TRPC4: variants seen among roughly 807,000 people sequenced by gnomAD.
TRPC4 encodes the protein transient receptor potential cation channel subfamily C member 4.
A neutral mutation model predicts 99.4 loss-of-function variants in TRPC4; 49 were observed. The ratio of observed to expected loss-of-function variants is 0.49; its 90% CI spans 0.39 to 0.63. TRPC4 has a LOEUF of 0.63. Ranked by LOEUF, TRPC4 falls within the 20% of genes least tolerant of loss-of-function variation. The pLI, the probability that TRPC4 is intolerant of heterozygous loss-of-function variation, is 0.00. For synonymous variants in TRPC4, 454 were observed against 425.9 expected (o/e 1.07, Z -0.81); for missense variants, 898 against 1,152.9 (o/e 0.78, Z 3.20).
intron 3 of TRPC4, among the ~76,000 whole-genome samples, chr13:37,696,989 C>T (rs1953924810): frequency 6.8e-6 from 1 of 146,974 alleles, no homozygotes; most frequent in Admixed American, 6.9e-5. Flanking sequence ...TTTTAAATGT[C>T]TCTGTCTCTC....
chr13:37,844,830 T>G (rs567141386), intron 1 of TRPC4, among the ~76,000 whole-genome samples: 2 of 152,204 alleles, frequency 1.3e-5, no homozygotes, highest in Non-Finnish European at 2.9e-5. Flanking sequence ...TGCACATCTG[T>G]AAAGCATAGC....
intron 1 of TRPC4, among the ~76,000 whole-genome samples, chr13:37,855,674 G>T (rs990062347): frequency 1.3e-5 from 2 of 151,668 alleles, no homozygotes; most frequent in African/African-American, 2.4e-5. Context: ...TGAGGTAATA[G>T]CAAGCATCTT....
In TRPC4 at chr13:37,635,891, T is replaced by C. The variant is rs116328365; in HGVS notation, c.*1012A>G. 0.028 allele frequency among the ~76,000 whole-genome samples: 4,280 copies of C among 152,200 alleles called. 192 individuals are homozygous for C. Among genetic ancestry groups the C allele is most frequent in the African/African-American group, 0.096 (4,007 of 41,548 alleles). ...TGAGTGATTTAATTTTAAAGAAATA[T>C]ATAAAGATTACTGGTGAAAAGAGGA... On this transcript the variant is annotated 3_prime_UTR_variant, in exon 11 of 11. Transcript: ENST00000379705.
At chr13:37,671,492 A>G (rs2957213) in intron 5 of TRPC4, among the ~76,000 whole-genome samples, 150,851 of 151,990 alleles carry the variant, frequency 0.99, 74,869 homozygotes, top group Middle Eastern at 1. Context: ...CTAAAATAAA[A>G]CAAATGAGGA....
chr13:37,841,418 G>A (rs1177648298), intron 1 of TRPC4, among the ~76,000 whole-genome samples: 1 of 151,516 alleles, frequency 6.6e-6, no homozygotes, highest in African/African-American at 2.4e-5. Flanking sequence ...ATCAATGTTA[G>A]ATTTCATTAA....
chr13:37,804,240 T>C (rs1160085006), intron 1 of TRPC4, among the ~76,000 whole-genome samples: 1 of 152,120 alleles, frequency 6.6e-6, no homozygotes, highest in Non-Finnish European at 1.5e-5. Context: ...TCTTCGTCTA[T>C]GTTATCTCAT....
At chr13:37,710,450 T>G (rs993310837) in intron 3 of TRPC4, among the ~76,000 whole-genome samples, 3 of 151,952 alleles carry the variant, frequency 2.0e-5, no homozygotes, top group African/African-American at 7.2e-5. Flanking sequence ...TTTCAGATTT[T>G]AAGAGGGTGT....
intron 4 of TRPC4, among the ~76,000 whole-genome samples, 161 bp downstream of exon 4, chr13:37,691,838 A>G (rs1953722882): frequency 6.6e-6 from 1 of 152,226 alleles, no homozygotes; most frequent in Non-Finnish European, 1.5e-5. Flanking sequence ...CGCAGCTTGT[A>G]AAATAGTTGT....
In TRPC4 at chr13:37,636,861, G is replaced by A. The variant is rs1464940895; in HGVS notation, c.*42C>T. The A allele has an allele frequency of 3.8e-6, 6 of 1,563,654 alleles. No homozygotes were observed. The highest frequency in any genetic ancestry group is 1.8e-4 in the Middle Eastern group (1 of 5,406). ...ATTTTCCCCCACCCAGAGCACTACG[G>A]AAAATACGTATGTGTATGGTAAACG... On this transcript the variant is annotated 3_prime_UTR_variant, in exon 11 of 11. Coordinates refer to ENST00000379705, the MANE Select transcript of TRPC4 (RefSeq NM_016179.4).
chr13:37,773,315 T>A (rs1433552265), intron 2 of TRPC4, among the ~76,000 whole-genome samples: 2 of 151,806 alleles, frequency 1.3e-5, no homozygotes, highest in East Asian at 3.9e-4. Flanking sequence ...AGTTAATCTC[T>A]CTGAGCCGCA....
At chr13:37,858,495 T>C (rs2139705989) in intron 1 of TRPC4, among the ~76,000 whole-genome samples, 1 of 151,790 alleles carries the variant, frequency 6.6e-6, no homozygotes, top group African/African-American at 2.4e-5. Context: ...CTTAGTACTT[T>C]TCACAATAGT....
chr13:37,714,698 C>G (rs920199876), intron 3 of TRPC4, among the ~76,000 whole-genome samples: 1 of 152,154 alleles, frequency 6.6e-6, no homozygotes, highest in African/African-American at 2.4e-5. Context: ...AGTATCACCC[C>G]ACATGATGCT....
In TRPC4 at chr13:37,633,186, G is replaced by A. The variant is rs1232936230; in HGVS notation, c.*3717C>T. On this transcript the variant is annotated 3_prime_UTR_variant, in exon 11 of 11. Transcript: ENST00000379705. ...CAGACATTGTAAAATCAGAATAATG[G>A]TTTTGAAGTTAAGAGGAATGCCAGT... is the stretch of plus-strand genomic sequence containing the variant. Among the ~76,000 whole-genome samples, 1 of 152,114 alleles carries A rather than the reference G, an allele frequency of 6.6e-6. No homozygotes were observed. Among genetic ancestry groups the A allele is most frequent in the East Asian group, 1.9e-4 (1 of 5,194 alleles).
chr13:37,652,818 C>G (rs901460220), intron 7 of TRPC4, among the ~76,000 whole-genome samples: 2 of 17,344 alleles, frequency 1.2e-4, no homozygotes, highest in African/African-American at 3.3e-4. Context: ...CTCGGTGAGT[C>G]AGAAATTATG....
At chr13:37,691,162 C>G (rs955254746) in intron 4 of TRPC4, among the ~76,000 whole-genome samples, 7 of 152,034 alleles carry the variant, frequency 4.6e-5, no homozygotes, top group African/African-American at 1.7e-4. Flanking sequence ...ACTACAGTGG[C>G]GTGATCTGGG....
chr13:37,673,852 A>T (rs1010359807), intron 5 of TRPC4, among the ~76,000 whole-genome samples: 5 of 152,214 alleles, frequency 3.3e-5, no homozygotes, highest in Non-Finnish European at 7.4e-5. Context: ...ATGAAATTTT[A>T]TCTATTAGTT....
intron 2 of TRPC4, among the ~76,000 whole-genome samples, chr13:37,772,911 A>G (rs1956595956): frequency 6.6e-6 from 1 of 151,678 alleles, no homozygotes; most frequent in South Asian, 2.1e-4. Flanking sequence ...CACTCTCGTG[A>G]ATGTGCTGTT....
intron 4 of TRPC4, among the ~76,000 whole-genome samples, chr13:37,679,593 T>C (rs1953170084): frequency 6.6e-6 from 1 of 152,176 alleles, no homozygotes; most frequent in Non-Finnish European, 1.5e-5. Flanking sequence ...TTTGTTATAT[T>C]CAAATTTATA....
intron 2 of TRPC4, among the ~76,000 whole-genome samples, chr13:37,759,380 G>C (rs1013016095): frequency 4.6e-5 from 7 of 151,656 alleles, no homozygotes; most frequent in African/African-American, 1.7e-4. Flanking sequence ...TGTAAACACA[G>C]AATGAAAAAC....
Sources: gnomAD v4.1 joint callset for allele counts (sites outside exome capture counted in the v4.1 genomes callset) on GRCh38, gnomAD v4.1.1 for gene constraint, MANE v1.5 for transcripts, NCBI Gene and HGNC (gene_info 2026-07-23, HGNC 2026-07-21) for gene names.